The following MET variants were observed in gnomAD, a reference collection of about 807,000 sequenced individuals.
MET encodes the protein MET proto-oncogene, receptor tyrosine kinase.
In MET, 48 loss-of-function variants were observed where a neutral mutation model predicts 133.1. That is an observed-to-expected ratio of 0.36 (90% CI 0.29 to 0.46). The LOEUF is 0.46. MET is among the 20% of genes least tolerant of loss of function. The pLI is 1.00. For missense variants in MET, 1,442 were observed against 1,695.9 expected, an observed-to-expected ratio of 0.85 and a Z score of 2.63; for synonymous variants, 628 against 616.5, an observed-to-expected ratio of 1.02 and a Z score of -0.28.
chr7:116,781,182 G>A, intron 17 of MET, among the ~76,000 whole-genome samples: 1 of 152,026 alleles, frequency 6.6e-6, no homozygotes. Flanking sequence ...TGCTTACCCT[G>A]CCTTACCAGT....
chr7:116,767,968 A>G (rs1358409191), intron 11 of MET, among the ~76,000 whole-genome samples: 1 of 124,440 alleles, frequency 8.0e-6, no homozygotes, highest in Non-Finnish European at 1.7e-5. Context: ...ATGCATATAT[A>G]TATATATGTG....
intron 5 of MET, among the ~76,000 whole-genome samples, chr7:116,754,915 GAAAGAAAGA>G (rs769859867): frequency 2.1e-3 from 288 of 139,486 alleles, no homozygotes; most frequent in Non-Finnish European, 3.1e-3. Flanking sequence ...AAGAAAGAAA[GAAAGAAAGA>G]AAGAAAGAAA....
In MET at chr7:116,775,055, A is replaced by G. The variant is rs767587065; in HGVS notation, c.3203A>G (p.His1068Arg). 2 of 1,614,220 alleles carry G rather than the reference A, an allele frequency of 1.2e-6. No homozygotes were observed. The highest frequency in any genetic ancestry group is 8.5e-7 in the Non-Finnish European group (1 of 1,180,032). Residue 1068 changes from histidine (H) to arginine (R), a missense_variant, in exon 15 of 21, where the codon CAT (histidine) becomes CGT (arginine). Transcript: ENST00000397752. ...CCAGAGCTGGTCCAGGCAGTGCAGC[A>G]TGTAGTGATTGGGCCCAGTAGCCTG... The part of the protein sequence containing the change: ...LNPELVQAVQ[H>R]VVIGPSSLIV...
At chr7:116,795,573 A>G in intron 19 of MET, 82 bp from the exon 20 acceptor site, 1 of 1,594,386 alleles carries the variant, frequency 6.3e-7, no homozygotes, top group South Asian at 1.1e-5. Flanking sequence ...AGCCAAGTTT[A>G]GTTACCAAGA....
intron 1 of MET, among the ~76,000 whole-genome samples, chr7:116,677,303 A>C (rs998731382): frequency 2.6e-5 from 4 of 152,026 alleles, no homozygotes; most frequent in African/African-American, 9.7e-5. Context: ...AAGTCACTGC[A>C]TTGGATTTTC....
chr7:116,747,342 A>T (rs1051746273), intron 5 of MET, among the ~76,000 whole-genome samples: 57 of 152,264 alleles, frequency 3.7e-4, no homozygotes, highest in African/African-American at 1.3e-3. Flanking sequence ...AAATTGGATA[A>T]AGAGTCAAGA....
intron 5 of MET, among the ~76,000 whole-genome samples, chr7:116,744,298 A>C (rs1179719284): frequency 6.6e-6 from 1 of 152,198 alleles, no homozygotes; most frequent in Non-Finnish European, 1.5e-5. Context: ...TTGAAAAAAA[A>C]GCTAGAGGAA....
At position 116,781,969 on chromosome 7, in the gene MET, TA is replaced by T; in HGVS notation, c.3523-17del. The stretch of plus-strand genomic sequence containing the variant: ...AGTAGATGCTTAGTTTATGCTTTTC[TA>T]ACTCTCTTTGACTGCAGAATCCAAC... On this transcript the variant is annotated intron_variant, in intron 17 of 20. Transcript: ENST00000397752. 6.7e-7 allele frequency: 1 copy of T among 1,501,606 alleles called. No homozygotes were observed. The highest frequency in any genetic ancestry group is 9.3e-7 in the Non-Finnish European group (1 of 1,078,434). 93.0% of individuals were successfully genotyped at this position (1,501,606 alleles called of 1,614,324 possible).
chr7:116,766,980 C>G (rs1584950579), intron 11 of MET, among the ~76,000 whole-genome samples: 1 of 152,104 alleles, frequency 6.6e-6, no homozygotes, highest in Admixed American at 6.5e-5. Flanking sequence ...TGCTTGGTTC[C>G]TAAGTTGAGG....
At chr7:116,731,284 G>A (rs569003930) in intron 2 of MET, among the ~76,000 whole-genome samples, 5 of 152,280 alleles carry the variant, frequency 3.3e-5, no homozygotes, top group Non-Finnish European at 7.4e-5. Flanking sequence ...GTCAGAACAT[G>A]CCTCTAACAT....
intron 3 of MET, among the ~76,000 whole-genome samples, chr7:116,736,400 A>G (rs1793211878): frequency 6.6e-6 from 1 of 152,124 alleles, no homozygotes; most frequent in African/African-American, 2.4e-5. Context: ...TTTAAAAACA[A>G]TGGGGGAGGT....
At chr7:116,715,279 C>G (rs919420042) in intron 2 of MET, among the ~76,000 whole-genome samples, 2 of 152,196 alleles carry the variant, frequency 1.3e-5, no homozygotes, top group Non-Finnish European at 2.9e-5. Flanking sequence ...GAAATCAAGG[C>G]ATCAGCCAGG....
intron 2 of MET, among the ~76,000 whole-genome samples, chr7:116,711,135 G>A (rs1472158181): frequency 6.6e-6 from 1 of 152,158 alleles, no homozygotes; most frequent in African/African-American, 2.4e-5. Context: ...CTTGCTATTA[G>A]CAAAGCTTTC....
At chr7:116,689,771 G>C (rs529640289) in intron 1 of MET, among the ~76,000 whole-genome samples, 1 of 151,932 alleles carries the variant, frequency 6.6e-6, no homozygotes, top group Non-Finnish European at 1.5e-5. Flanking sequence ...GTTTGCCCAG[G>C]CTGGTCTCAA....
intron 5 of MET, among the ~76,000 whole-genome samples, chr7:116,744,126 C>T (rs1276765917): frequency 2.6e-5 from 4 of 152,130 alleles, no homozygotes; most frequent in African/African-American, 9.7e-5. Context: ...CAGAACACCT[C>T]TTCTCCTCCA....
intron 5 of MET, among the ~76,000 whole-genome samples, chr7:116,747,629 G>T (rs1206175065): frequency 6.6e-6 from 1 of 152,132 alleles, no homozygotes; most frequent in Non-Finnish European, 1.5e-5. Flanking sequence ...CGTAAAGCAA[G>T]TCCTTAGAGA....
intron 2 of MET, among the ~76,000 whole-genome samples, chr7:116,730,292 C>G (rs756277216): frequency 1.3e-5 from 2 of 152,118 alleles, no homozygotes; most frequent in Non-Finnish European, 2.9e-5. Context: ...AAGGCCTGCT[C>G]GCTGGAGCAC....
intron 11 of MET, among the ~76,000 whole-genome samples, chr7:116,764,172 T>C (rs989348912): frequency 2.0e-5 from 3 of 152,134 alleles, no homozygotes; most frequent in Non-Finnish European, 2.9e-5. Context: ...TTTCTGACTT[T>C]TTCAACAAAA....
intron 19 of MET, among the ~76,000 whole-genome samples, chr7:116,788,371 A>G (rs954551250): frequency 1.1e-4 from 17 of 152,218 alleles, no homozygotes; most frequent in African/African-American, 4.1e-4. Context: ...TACCTCAACA[A>G]AGCTGATTTA....
Sources: gnomAD v4.1 joint callset for allele counts (sites outside exome capture counted in the v4.1 genomes callset) on GRCh38, gnomAD v4.1.1 for gene constraint, MANE v1.5 for transcripts, NCBI Gene and HGNC (gene_info 2026-07-23, HGNC 2026-07-21) for gene names.